The following SLC44A5 variants were observed in gnomAD, a reference collection of about 807,000 sequenced individuals.
SLC44A5 encodes solute carrier family 44 member 5, also known as choline transporter-like protein 5.
A neutral mutation model predicts 101.8 loss-of-function variants in SLC44A5; 57 were observed. The ratio of observed to expected loss-of-function variants is 0.56; its 90% CI spans 0.45 to 0.70. The LOEUF is 0.70. Ranked by LOEUF, SLC44A5 falls within the 30% of genes least tolerant of loss-of-function variation. The pLI, the probability that SLC44A5 is intolerant of heterozygous loss-of-function variation, is 0.00. For synonymous variants in SLC44A5, 281 were observed against 290.9 expected, an observed-to-expected ratio of 0.97 and a Z score of 0.35; for missense variants, 737 against 853.1, an observed-to-expected ratio of 0.86 and a Z score of 1.70.
At chr1:75,484,179 A>T (rs982875085) in intron 2 of SLC44A5, among the ~76,000 whole-genome samples, 4 of 152,148 alleles carry the variant, frequency 2.6e-5, no homozygotes, top group African/African-American at 9.7e-5. Flanking sequence ...CAAAGTCTTA[A>T]CTCATTCCAG....
chr1:75,421,406 G>T (rs1663995956), intron 2 of SLC44A5, among the ~76,000 whole-genome samples: 1 of 152,088 alleles, frequency 6.6e-6, no homozygotes, highest in African/African-American at 2.4e-5. Context: ...ACTAGTTAGA[G>T]ATTTTTATGT....
In SLC44A5 at chr1:75,552,658, C is replaced by A. The variant is rs1570596611; in HGVS notation, c.-69-11142G>T. On this transcript the variant is annotated intron_variant, in intron 1 of 23. Coordinates refer to ENST00000370859, the MANE Select transcript of SLC44A5 (RefSeq NM_001130058.2). ...TTTTTTTTTCATTTGGGCCCTTTTT[C>A]CCACCTCTGAATGCCCAGAGAGCAT... 2.1e-5 allele frequency among the ~76,000 whole-genome samples: 3 copies of A among 142,166 alleles called. No individual in the cohort carries two copies. In the South Asian group the frequency reaches 6.7e-4, roughly 32 times the overall value. 93.3% of individuals were successfully genotyped at this position (142,166 alleles called of 152,430 possible). A position where few individuals can be genotyped will look rare whatever the true frequency, so the allele number is the denominator to read the frequency against.
chr1:75,608,352 T>G (rs1675448924), intron 1 of SLC44A5, among the ~76,000 whole-genome samples: 1 of 151,274 alleles, frequency 6.6e-6, no homozygotes, highest in Non-Finnish European at 1.5e-5. Flanking sequence ...TGTGTGTGTG[T>G]TGTGTGTGTA....
In SLC44A5 at chr1:75,273,001, T is replaced by A. The variant is rs561496124; in HGVS notation, c.260+1957A>T. 3.9e-5 allele frequency among the ~76,000 whole-genome samples: 6 copies of A among 152,240 alleles called. No individual in the cohort carries two copies. In the South Asian group the frequency reaches 1.2e-3, roughly 32 times the overall value. ...GGTCATTTTCACAATATTAATTCTA[T>A]CCATCCATGAGCATAGGATGGGTTT... On this transcript the variant is annotated intron_variant, in intron 6 of 23. Coordinates refer to ENST00000370859, the MANE Select transcript of SLC44A5 (RefSeq NM_001130058.2).
intron 1 of SLC44A5, among the ~76,000 whole-genome samples, chr1:75,606,405 C>A (rs1415921069): frequency 6.6e-6 from 1 of 151,906 alleles, no homozygotes; most frequent in African/African-American, 2.4e-5. Flanking sequence ...ATAAAAAGCA[C>A]CCAAAATTTA....
At chr1:75,541,988 A>T (rs1293620023) in intron 1 of SLC44A5, among the ~76,000 whole-genome samples, 6 of 152,132 alleles carry the variant, frequency 3.9e-5, no homozygotes, top group Non-Finnish European at 7.4e-5. Context: ...GGGGTTTTTT[A>T]AATGGTATTA....
the SLC44A5 span, among the ~76,000 whole-genome samples, chr1:75,673,725 C>T: frequency 1.3e-5 from 2 of 152,098 alleles, no homozygotes; most frequent in African/African-American, 4.8e-5. Context: ...AACAGAGAGA[C>T]TCTGCTTGTT....
intron 4 of SLC44A5, 117 bp from the exon 5 acceptor site, chr1:75,300,802 G>A: frequency 1.8e-6 from 1 of 544,812 alleles, no homozygotes; most frequent in Non-Finnish European, 2.9e-6. Context: ...TTTCATAATT[G>A]CATATTTTAT....
intron 2 of SLC44A5, among the ~76,000 whole-genome samples, chr1:75,493,790 A>G (rs1668538099): frequency 6.6e-6 from 1 of 152,194 alleles, no homozygotes; most frequent in Non-Finnish European, 1.5e-5. Context: ...CCACAGACAC[A>G]CCAAATAAAC....
chr1:75,377,012 G>A (rs916160316), intron 3 of SLC44A5, among the ~76,000 whole-genome samples: 16 of 152,158 alleles, frequency 1.1e-4, no homozygotes, highest in African/African-American at 3.1e-4. Flanking sequence ...ACCAAGGCTC[G>A]AGAACTACGT....
intron 4 of SLC44A5, among the ~76,000 whole-genome samples, chr1:75,335,954 A>C (rs1351750297): frequency 6.6e-6 from 1 of 151,868 alleles, no homozygotes; most frequent in African/African-American, 2.4e-5. Flanking sequence ...AGCCCATGTT[A>C]CTTGTGCTTG....
chr1:75,642,651 T>A, the SLC44A5 span, among the ~76,000 whole-genome samples: 1 of 152,138 alleles, frequency 6.6e-6, no homozygotes, highest in Non-Finnish European at 1.5e-5. Context: ...TATAAAAGCT[T>A]GAGAGGCTTG....
chr1:75,466,431 C>G (rs369650927), intron 2 of SLC44A5, among the ~76,000 whole-genome samples: 1 of 151,840 alleles, frequency 6.6e-6, no homozygotes, highest in East Asian at 1.9e-4. Flanking sequence ...CCGAGGTGGG[C>G]GGATCACGAG....
At chr1:75,376,165 A>G (rs1302192252) in intron 3 of SLC44A5, among the ~76,000 whole-genome samples, 1 of 152,208 alleles carries the variant, frequency 6.6e-6, no homozygotes, top group African/African-American at 2.4e-5. Context: ...ATTATATCCC[A>G]CACCTGGCTC....
chr1:75,231,560 T>C (rs1042113463), intron 12 of SLC44A5, among the ~76,000 whole-genome samples: 1 of 152,148 alleles, frequency 6.6e-6, no homozygotes, highest in Admixed American at 6.6e-5. Flanking sequence ...TCCTCTTTCC[T>C]CAATAATATT....
chr1:75,410,825 TTTCA>T (rs1663227008), intron 2 of SLC44A5, among the ~76,000 whole-genome samples: 2 of 152,260 alleles, frequency 1.3e-5, no homozygotes, highest in South Asian at 4.1e-4. Context: ...TTTGTATTGT[TTTCA>T]TTCATTCACC....
chr1:75,243,325 CG>C (rs950929406), intron 7 of SLC44A5, among the ~76,000 whole-genome samples: 26 of 151,752 alleles, frequency 1.7e-4, no homozygotes, highest in Admixed American at 3.9e-4. Flanking sequence ...TTTGCAGAGT[CG>C]GGGTTTTGCC....
At chr1:75,515,610 T>C (rs1669788231) in intron 2 of SLC44A5, among the ~76,000 whole-genome samples, 1 of 152,264 alleles carries the variant, frequency 6.6e-6, no homozygotes, top group African/African-American at 2.4e-5. Context: ...ACAGAATTTC[T>C]ATCTTCTTTA....
the SLC44A5 span, among the ~76,000 whole-genome samples, chr1:75,702,808 T>A: frequency 5.9e-5 from 9 of 151,918 alleles, no homozygotes; most frequent in East Asian, 1.4e-3. Flanking sequence ...CCAACAAATT[T>A]ACGAGAAAAA....
Sources: allele counts gnomAD v4.1 joint callset (sites outside exome capture counted in the v4.1 genomes callset), GRCh38; gene constraint gnomAD v4.1.1; transcripts MANE v1.5; gene names NCBI Gene and HGNC (gene_info 2026-07-23, HGNC 2026-07-21).